The following DCC variants were observed in gnomAD, a reference collection of about 807,000 sequenced individuals.
The protein encoded by DCC is DCC netrin 1 receptor.
DCC carries 58 observed loss-of-function variants against 172.5 expected under a neutral mutation model. That is an observed-to-expected ratio of 0.34 (90% CI 0.27 to 0.42). The LOEUF (loss-of-function observed/expected upper bound fraction) is 0.42. Among genes scored for constraint, DCC ranks in the 10% least tolerant of loss-of-function variants. DCC has a pLI of 1.00. For synonymous variants in DCC, 709 were observed against 644.5 expected (o/e 1.10, Z -1.52); for missense variants, 1,740 against 1,791.0 (o/e 0.97, Z 0.51).
chr18:52,866,107 A>G (rs561293289), intron 2 of DCC, among the ~76,000 whole-genome samples: 22 of 152,232 alleles, frequency 1.4e-4, no homozygotes, highest in Non-Finnish European at 3.1e-4. Context: ...AGTTTTCTGC[A>G]TATGGCTAGC....
rs886992176 is a variant in DCC, at chr18:53,533,288, T to C, written c.*2635T>C. ...GCCTCTGACTTCCTCCTACTGAGTC[T>C]AGTTCATGGTATCCAGGACTCTTTA... On this transcript the variant is annotated 3_prime_UTR_variant, in exon 29 of 29. Coordinates refer to ENST00000442544, the MANE Select transcript of DCC (RefSeq NM_005215.4). 1.7e-4 allele frequency: 26 copies of C among 152,152 alleles called. No individual in the cohort carries two copies. Among genetic ancestry groups the C allele is most frequent in the African/African-American group, 6.0e-4 (25 of 41,448 alleles). The allele number at this position is 152,152 out of a possible 1,614,324, so 9.4% of individuals were successfully genotyped here.
At chr18:52,544,789 T>G (rs936334511) in intron 1 of DCC, among the ~76,000 whole-genome samples, 8 of 152,166 alleles carry the variant, frequency 5.3e-5, no homozygotes, top group Non-Finnish European at 1.0e-4. Context: ...TTTAAAAAAA[T>G]ACCCCCTTAG....
At chr18:52,384,752 A>C (rs1364808548) in intron 1 of DCC, among the ~76,000 whole-genome samples, 1 of 152,160 alleles carries the variant, frequency 6.6e-6, no homozygotes, top group Non-Finnish European at 1.5e-5. Context: ...ATTGCATGAC[A>C]ATTATAAACA....
intron 2 of DCC, among the ~76,000 whole-genome samples, chr18:52,806,814 A>G (rs1177834160): frequency 6.6e-6 from 1 of 152,206 alleles, no homozygotes; most frequent in East Asian, 1.9e-4. Flanking sequence ...TCAGAAGTCA[A>G]GTGAGCCACC....
intron 1 of DCC, among the ~76,000 whole-genome samples, chr18:52,700,260 C>A (rs1391678963): frequency 2.9e-5 from 4 of 138,188 alleles, no homozygotes; most frequent in South Asian, 4.8e-4. Flanking sequence ...ACACGCACAT[C>A]CACACTCTTG....
intron 1 of DCC, among the ~76,000 whole-genome samples, chr18:52,479,014 T>C (rs1989175375): frequency 6.6e-6 from 1 of 152,166 alleles, no homozygotes; most frequent in Admixed American, 6.5e-5. Context: ...TGGCATTCAA[T>C]TGCTAAAAAG....
At chr18:52,763,310 T>C (rs1038972587) in intron 2 of DCC, among the ~76,000 whole-genome samples, 4 of 152,206 alleles carry the variant, frequency 2.6e-5, no homozygotes, top group African/African-American at 9.6e-5. Flanking sequence ...GCTGGTTGGT[T>C]TTATTGGATT....
intron 2 of DCC, among the ~76,000 whole-genome samples, chr18:52,887,870 G>A (rs934902798): frequency 6.6e-6 from 1 of 152,106 alleles, no homozygotes; most frequent in African/African-American, 2.4e-5. Context: ...AGATCTGTTG[G>A]TTTTTCCAAG....
intron 1 of DCC, among the ~76,000 whole-genome samples, chr18:52,626,337 C>G (rs2034573195): frequency 6.6e-6 from 1 of 152,182 alleles, no homozygotes; most frequent in South Asian, 2.1e-4. Flanking sequence ...CCTCCCAGCC[C>G]TACTTCCAAA....
chr18:52,974,465 T>A (rs1316288420), intron 5 of DCC, among the ~76,000 whole-genome samples: 1 of 152,204 alleles, frequency 6.6e-6, no homozygotes, highest in Non-Finnish European at 1.5e-5. Flanking sequence ...CAAACCACTC[T>A]GACTGTTAAT....
chr18:53,246,118 C>T (rs554425120), intron 12 of DCC, among the ~76,000 whole-genome samples: 1 of 152,064 alleles, frequency 6.6e-6, no homozygotes, highest in Non-Finnish European at 1.5e-5. Context: ...CATAGGTCCC[C>T]TCATTTCTCA....
At chr18:53,292,123 C>A (rs886815785) in intron 12 of DCC, among the ~76,000 whole-genome samples, 9 of 151,520 alleles carry the variant, frequency 5.9e-5, no homozygotes, top group East Asian at 3.9e-4. Context: ...ACCCCCCCCC[C>A]CTTTTTTCCT....
At chr18:53,221,055 T>G (rs1179784639) in intron 12 of DCC, among the ~76,000 whole-genome samples, 1 of 152,184 alleles carries the variant, frequency 6.6e-6, no homozygotes, top group Non-Finnish European at 1.5e-5. Context: ...GTCTATAATT[T>G]GGGTAGAACT....
chr18:53,340,047 T>TATACACAC, intron 15 of DCC, 140 bp downstream of exon 15: 1 of 591,346 alleles, frequency 1.7e-6, no homozygotes, highest in Non-Finnish European at 3.0e-6. Context: ...ACTGTCTATC[T>TATACACAC]ACACACACAC....
chr18:53,024,237 G>A (rs1164778487), intron 5 of DCC, among the ~76,000 whole-genome samples: 5 of 152,070 alleles, frequency 3.3e-5, no homozygotes, highest in African/African-American at 9.7e-5. Context: ...TGAAAGATAT[G>A]ATATAAAACA....
chr18:52,611,138 C>G (rs569650440), intron 1 of DCC, among the ~76,000 whole-genome samples: 10 of 152,136 alleles, frequency 6.6e-5, no homozygotes, highest in South Asian at 2.1e-4. Context: ...AGTGACCCCC[C>G]CCTCCTGACA....
chr18:53,383,841 A>G (rs771304330), intron 15 of DCC, among the ~76,000 whole-genome samples: 9 of 152,026 alleles, frequency 5.9e-5, no homozygotes, highest in Non-Finnish European at 1.2e-4. Context: ...TCTCAGGGAC[A>G]GAGGGGATGA....
chr18:52,966,992 T>C (rs2040942694), intron 5 of DCC, among the ~76,000 whole-genome samples: 1 of 152,192 alleles, frequency 6.6e-6, no homozygotes, highest in Non-Finnish European at 1.5e-5. Flanking sequence ...CTGCCTATTC[T>C]ACTCCTCCCT....
At chr18:53,178,512 G>T (rs1038894058) in intron 8 of DCC, among the ~76,000 whole-genome samples, 1 of 152,160 alleles carries the variant, frequency 6.6e-6, no homozygotes, top group Non-Finnish European at 1.5e-5. Flanking sequence ...TACAATGAGA[G>T]AAAATGCATA....
Sources: allele counts gnomAD v4.1 joint callset (sites outside exome capture counted in the v4.1 genomes callset), GRCh38; gene constraint gnomAD v4.1.1; transcripts MANE v1.5; gene names NCBI Gene and HGNC (gene_info 2026-07-23, HGNC 2026-07-21).